Variants in MID1 observed in about 807,000 individuals in gnomAD.
MID1 encodes midline 1.
Under a neutral mutation model 40.4 loss-of-function variants are expected in MID1, and 7 were observed. The ratio of observed to expected loss-of-function variants is 0.17; its 90% CI spans 0.10 to 0.33. The LOEUF (loss-of-function observed/expected upper bound fraction) is 0.33. Among genes scored for constraint, MID1 ranks in the 10% least tolerant of loss-of-function variants. The pLI is 1.00. For synonymous variants in MID1, 229 were observed against 221.2 expected (o/e 1.04, Z -0.31); for missense variants, 367 against 558.5 (o/e 0.66, Z 3.46).
intron 2 of MID1, among the ~76,000 whole-genome samples, chrX:10,546,142 C>T (rs6530403): frequency 0.099 from 11,008 of 111,719 alleles, 882 homozygotes; most frequent in African/African-American, 0.27. Context: ...TTGGGCATGC[C>T]TGAAATGTTC....
At chrX:10,662,173 G>A (rs1003935037) in intron 1 of MID1, among the ~76,000 whole-genome samples, 2 of 111,142 alleles carry the variant, frequency 1.8e-5, no homozygotes, top group Admixed American at 9.6e-5. Flanking sequence ...GCATGGTGGC[G>A]CATGCCTGTA....
chrX:10,588,652 C>T (rs1238343970), intron 1 of MID1, among the ~76,000 whole-genome samples: 1 of 109,354 alleles, frequency 9.1e-6, no homozygotes, highest in East Asian at 2.9e-4. Context: ...TTTCCTTTTG[C>T]CTCTGTTTCT....
intron 2 of MID1, among the ~76,000 whole-genome samples, chrX:10,533,998 C>G (rs1296566112): frequency 2.1e-5 from 2 of 93,621 alleles, no homozygotes; most frequent in African/African-American, 7.5e-5. Flanking sequence ...ATTCTATTAT[C>G]CTGGTCTTTT....
At chrX:10,564,657 T>C (rs2147462625) in intron 2 of MID1, among the ~76,000 whole-genome samples, 1 of 111,937 alleles carries the variant, frequency 8.9e-6, no homozygotes, top group East Asian at 2.8e-4. Flanking sequence ...GTTTTGTTTT[T>C]ATCACAAAGA....
chrX:10,603,860 G>T (rs1173971735), intron 1 of MID1, among the ~76,000 whole-genome samples: 1 of 111,507 alleles, frequency 9.0e-6, no homozygotes, highest in Non-Finnish European at 1.9e-5. Flanking sequence ...GATATGACAG[G>T]AATTCAACCA....
chrX:10,546,423 GACC>G (rs1321265298), intron 2 of MID1, among the ~76,000 whole-genome samples: 1 of 111,929 alleles, frequency 8.9e-6, no homozygotes, highest in Non-Finnish European at 1.9e-5. Flanking sequence ...GGCATTTAAT[GACC>G]ACATGATAGA....
intron 1 of MID1, among the ~76,000 whole-genome samples, chrX:10,591,883 C>T (rs1935310460): frequency 9.0e-6 from 1 of 110,996 alleles, no homozygotes; most frequent in African/African-American, 3.3e-5. Context: ...TCTCACAAAA[C>T]CCTAGTTAGC....
At chrX:10,605,001 C>A (rs1935598609) in intron 1 of MID1, among the ~76,000 whole-genome samples, 1 of 112,273 alleles carries the variant, frequency 8.9e-6, no homozygotes, top group Non-Finnish European at 1.9e-5. Flanking sequence ...GCTCAATCTG[C>A]AGCTTTTGAG....
intron 1 of MID1, among the ~76,000 whole-genome samples, chrX:10,754,620 C>T (rs748771002): frequency 9.0e-6 from 1 of 110,941 alleles, no homozygotes; most frequent in Non-Finnish European, 1.9e-5. Flanking sequence ...GCCTTCCCTC[C>T]TGCTTTATCT....
chrX:10,771,735 C>T (rs2043772242), intron 1 of MID1, among the ~76,000 whole-genome samples: 1 of 104,830 alleles, frequency 9.5e-6, no homozygotes, highest in Non-Finnish European at 1.9e-5. Flanking sequence ...TCTTGAACTC[C>T]TGACCTCAGG....
At position 10,565,794 on chromosome X, in the gene MID1, T is replaced by C. The variant is rs1934505014; in HGVS notation, c.660+1094A>G. Among the ~76,000 whole-genome samples the C allele has an allele frequency of 2.8e-5, 3 of 107,629 alleles. No individual in the cohort carries two copies. The South Asian group carries it at 1.2e-3, about 44-fold the overall frequency. The allele number at this position is 107,629 out of a possible 115,157, so 93.5% of individuals were successfully genotyped here. On this transcript the variant is annotated intron_variant, in intron 2 of 9. Transcript: ENST00000317552. ...TTTCTTCCCTAGTGCTTTCTATCCA[T>C]ACTTAGAGAGTGATTTTTTTTTTTT...
chrX:10,635,639 A>G (rs1229711380), intron 1 of MID1, among the ~76,000 whole-genome samples: 1 of 112,094 alleles, frequency 8.9e-6, no homozygotes, highest in African/African-American at 3.2e-5. Flanking sequence ...GAATAAGTCT[A>G]GAATGAAAGA....
chrX:10,638,178 G>C (rs1234486621), intron 1 of MID1, among the ~76,000 whole-genome samples: 2 of 111,888 alleles, frequency 1.8e-5, no homozygotes, highest in Non-Finnish European at 3.8e-5. Context: ...TTGTCAGACA[G>C]TGGGTGCAGC....
chrX:10,624,203 A>C (rs1935971996), upstream of MID1, among the ~76,000 whole-genome samples: 3 of 112,247 alleles, frequency 2.7e-5, no homozygotes, highest in Admixed American at 2.8e-4. Flanking sequence ...CAGATAAGCC[A>C]GTTGATACCT....
intron 1 of MID1, among the ~76,000 whole-genome samples, chrX:10,572,104 ACTCTCTCTCT>A (rs59928523): frequency 4.3e-5 from 3 of 70,410 alleles, no homozygotes; most frequent in South Asian, 6.7e-4. Context: ...CTTTCTTTTC[ACTCTCTCTCT>A]CTCTCTCTCT....
chrX:10,623,292 AAGAG>A (rs200998221), upstream of MID1, among the ~76,000 whole-genome samples: 1 of 100,027 alleles, frequency 1.0e-5, no homozygotes, highest in Non-Finnish European at 2.0e-5. Context: ...AAAGAAAAGA[AAGAG>A]AGAAAGAAAG....
intron 1 of MID1, among the ~76,000 whole-genome samples, chrX:10,753,615 A>C (rs2043613120): frequency 8.9e-6 from 1 of 111,835 alleles, no homozygotes; most frequent in African/African-American, 3.2e-5. Flanking sequence ...CACAGGATAA[A>C]AAGCAATGCA....
chrX:10,715,260 G>A (rs189416994), intron 1 of MID1, among the ~76,000 whole-genome samples: 2,518 of 112,337 alleles, frequency 0.022, 71 homozygotes, highest in African/African-American at 0.077. Flanking sequence ...CACCTCACCC[G>A]GGAAGCGCAA....
At chrX:10,783,880 CTT>C (rs572257951) in intron 1 of MID1, among the ~76,000 whole-genome samples, 3 of 107,807 alleles carry the variant, frequency 2.8e-5, no homozygotes, top group African/African-American at 1.0e-4. Flanking sequence ...ACTTGTAGCT[CTT>C]TTTTTTAAAA....
Sources: gnomAD v4.1 joint callset for allele counts (sites outside exome capture counted in the v4.1 genomes callset) on GRCh38, gnomAD v4.1.1 for gene constraint, MANE v1.5 for transcripts, NCBI Gene and HGNC (gene_info 2026-07-23, HGNC 2026-07-21) for gene names.